DUSP22: variants seen among roughly 807,000 people sequenced by gnomAD.
DUSP22 encodes the protein dual specificity phosphatase 22.
DUSP22 carries 24 observed loss-of-function variants against 24.5 expected under a neutral mutation model. The ratio of observed to expected loss-of-function variants is 0.98; its 90% CI spans 0.71 to 1.38. DUSP22 has a LOEUF of 1.38. Among genes scored for constraint, DUSP22 ranks in the 40% most tolerant of loss-of-function variants. The pLI, the probability that DUSP22 is intolerant of heterozygous loss-of-function variation, is 0.00. For missense variants in DUSP22, 330 were observed against 269.2 expected (o/e 1.23, Z -1.58); for synonymous variants, 160 against 106.4 (o/e 1.50, Z -3.10).
At chr6:347,059 A>G (rs1759918560) in intron 5 of DUSP22, among the ~76,000 whole-genome samples, 1 of 152,310 alleles carries the variant, frequency 6.6e-6, no homozygotes, top group Non-Finnish European at 1.5e-5. Context: ...TAGGATTTTA[A>G]CGTTCATTTC....
intron 1 of DUSP22, among the ~76,000 whole-genome samples, chr6:300,944 T>C (rs1486043111): frequency 6.6e-6 from 1 of 152,310 alleles, no homozygotes; most frequent in Non-Finnish European, 1.5e-5. Flanking sequence ...TACCGCAAGA[T>C]GCTGATGCTA....
intron 4 of DUSP22, among the ~76,000 whole-genome samples, chr6:336,280 C>G (rs909219364): frequency 6.6e-6 from 1 of 152,306 alleles, no homozygotes; most frequent in South Asian, 2.1e-4. Context: ...CTGTGTGTTA[C>G]TGCATGTCAC....
chr6:348,255 A>G lies in DUSP22; in HGVS notation c.416A>G (p.Glu139Gly). 1 of 1,614,300 alleles carries G rather than the reference A, an allele frequency of 6.2e-7. No homozygotes were observed. Among genetic ancestry groups the G allele is most frequent in the Non-Finnish European group, 8.5e-7 (1 of 1,180,050 alleles). The stretch of plus-strand genomic sequence containing the variant: ...TTCCAGAGACAGCTCCAGGAGTTTG[A>G]GAAGCATGAGGTCCATCAGGTAAGC... Reference protein sequence around the residue: ...VGFQRQLQEFEKHEVHQYRQW... With the variant: ...VGFQRQLQEFGKHEVHQYRQW... Residue 139 changes from glutamate to glycine, a missense_variant, in exon 6 of 7, where the codon GAG becomes GGG. Glu to Gly is a moderately conservative substitution (Grantham distance 98). Transcript: ENST00000419235.
intron 4 of DUSP22, among the ~76,000 whole-genome samples, chr6:342,102 G>A (rs544019293): frequency 5.8e-4 from 89 of 152,400 alleles, no homozygotes; most frequent in African/African-American, 2.0e-3. Context: ...GGTGAGGTTC[G>A]TACAACTGAA....
At chr6:321,274 A>C (rs927330754) in intron 3 of DUSP22, among the ~76,000 whole-genome samples, 4 of 152,294 alleles carry the variant, frequency 2.6e-5, no homozygotes, top group Non-Finnish European at 5.9e-5. Flanking sequence ...GGACTGGAAA[A>C]GCAGGCTCAG....
At chr6:316,623 AG>A (rs1339166219) in intron 3 of DUSP22, among the ~76,000 whole-genome samples, 2 of 152,306 alleles carry the variant, frequency 1.3e-5, no homozygotes, top group Non-Finnish European at 2.9e-5. Context: ...GAGCAATGAA[AG>A]GTTTCTCCCT....
At chr6:342,281 G>A (rs942800666) in intron 4 of DUSP22, among the ~76,000 whole-genome samples, 36 of 152,294 alleles carry the variant, frequency 2.4e-4, no homozygotes, top group African/African-American at 8.2e-4. Context: ...GTACAGACAC[G>A]GCTCTTTCTG....
At chr6:328,831 A>T (rs1285954949) in intron 3 of DUSP22, among the ~76,000 whole-genome samples, 1 of 152,310 alleles carries the variant, frequency 6.6e-6, no homozygotes, top group East Asian at 1.9e-4. Context: ...AAAAGAGAGG[A>T]GAGGTCTTGT....
At chr6:347,982 T>C (rs753609193) in intron 5 of DUSP22, 121 bp from the exon 6 acceptor site, 86 of 1,449,266 alleles carry the variant, frequency 5.9e-5, no homozygotes, top group East Asian at 2.1e-4. Context: ...TGTCCACATA[T>C]AATCCAAGGC....
chr6:298,954 A>T (rs916376452), intron 1 of DUSP22, among the ~76,000 whole-genome samples: 3 of 152,388 alleles, frequency 2.0e-5, no homozygotes, highest in Admixed American at 2.0e-4. Flanking sequence ...AGGCGATATG[A>T]GAGAGAGAGT....
At chr6:301,439 C>CG (rs1757576289) in intron 1 of DUSP22, among the ~76,000 whole-genome samples, 1 of 152,172 alleles carries the variant, frequency 6.6e-6, no homozygotes, top group Non-Finnish European at 1.5e-5. Context: ...AGCCAACCTG[C>CG]GGAAGCCATG....
chr6:324,770 C>T (rs1177217912), intron 3 of DUSP22, among the ~76,000 whole-genome samples: 1 of 152,300 alleles, frequency 6.6e-6, no homozygotes, highest in Non-Finnish European at 1.5e-5. Context: ...GAAAGGGCTT[C>T]CTAGATGCTG....
In DUSP22 at chr6:347,514, C is replaced by G. The variant is rs570231902; in HGVS notation, c.264-589C>G. ...CCTGCTCCAGGTAACTGACCCTAAC[C>G]GTTACTGCCTGCAAGGGTGCCTTGC... On this transcript the variant is annotated intron_variant, in intron 5 of 6. Transcript: ENST00000419235. 2.6e-5 allele frequency among the ~76,000 whole-genome samples: 4 copies of G among 152,304 alleles called. No homozygotes were observed. The South Asian group carries it at 6.2e-4, about 24-fold the overall frequency.
chr6:312,043 A>G, intron 3 of DUSP22, 81 bp downstream of exon 3: 3 of 1,433,856 alleles, frequency 2.1e-6, no homozygotes, highest in Non-Finnish European at 2.9e-6. Context: ...GAAGGCAACC[A>G]GGTTCTCTCC....
chr6:338,008 T>A (rs533389169), intron 4 of DUSP22: 1 of 152,614 alleles, frequency 6.6e-6, no homozygotes, highest in African/African-American at 2.4e-5. Context: ...CGTGCTGCAC[T>A]CTCCAGTGAA....
At chr6:324,219 C>T (rs1758742811) in intron 3 of DUSP22, among the ~76,000 whole-genome samples, 1 of 152,308 alleles carries the variant, frequency 6.6e-6, no homozygotes, top group African/African-American at 2.4e-5. Flanking sequence ...CCCTGTGCTT[C>T]CACATGTGGG....
At chr6:293,611 G>A (rs993526358) in intron 1 of DUSP22, among the ~76,000 whole-genome samples, 2 of 152,274 alleles carry the variant, frequency 1.3e-5, no homozygotes, top group South Asian at 2.1e-4. Context: ...GTCAGCAGTG[G>A]TTTGGGTGTT....
chr6:323,239 CATGT>C (rs1231892077), intron 3 of DUSP22, among the ~76,000 whole-genome samples: 1 of 103,508 alleles, frequency 9.7e-6, no homozygotes, highest in African/African-American at 3.7e-5. Flanking sequence ...GGCGTGTGTG[CATGT>C]GTGTGTGTGT....
chr6:310,570 G>T (rs1022057344), intron 2 of DUSP22, among the ~76,000 whole-genome samples: 7 of 152,306 alleles, frequency 4.6e-5, no homozygotes, highest in African/African-American at 1.7e-4. Context: ...GTGCTTTAAA[G>T]TGAATATAGA....
Sources: gnomAD v4.1 joint callset for allele counts (sites outside exome capture counted in the v4.1 genomes callset) on GRCh38, gnomAD v4.1.1 for gene constraint, MANE v1.5 for transcripts, NCBI Gene and HGNC (gene_info 2026-07-23, HGNC 2026-07-21) for gene names.